Variants in RANBP2 observed in about 807,000 individuals in gnomAD.
RANBP2 encodes the protein RAN binding protein 2, also known as E3 SUMO-protein ligase RanBP2.
A neutral mutation model predicts 303.6 loss-of-function variants in RANBP2; 57 were observed. The observed-to-expected ratio is 0.19, with a 90% confidence interval of 0.15 to 0.23. RANBP2 has a LOEUF of 0.23. Among genes scored for constraint, RANBP2 ranks in the 10% least tolerant of loss-of-function variants. The pLI is 1.00. For synonymous variants in RANBP2, 1,167 were observed against 1,301.5 expected, an observed-to-expected ratio of 0.90 and a Z score of 2.23; for missense variants, 3,138 against 3,780.8, an observed-to-expected ratio of 0.83 and a Z score of 4.46.
chr2:109,495,827 C>G, the RANBP2 span, among the ~76,000 whole-genome samples: 1 of 152,272 alleles, frequency 6.6e-6, no homozygotes, highest in South Asian at 2.1e-4. Flanking sequence ...TTTCCACATA[C>G]ATAAAATGGG....
the RANBP2 span, among the ~76,000 whole-genome samples, chr2:108,841,087 C>T: frequency 3.3e-5 from 5 of 152,182 alleles, no homozygotes; most frequent in South Asian, 4.1e-4. Context: ...CTGCCCACTT[C>T]GGCCTCCCAA....
chr2:109,157,137 A>G, the RANBP2 span, among the ~76,000 whole-genome samples: 1 of 152,176 alleles, frequency 6.6e-6, no homozygotes. Context: ...GGATGAGAGC[A>G]CTTGAATTTG....
chr2:108,808,487 A>G, the RANBP2 span, among the ~76,000 whole-genome samples: 2 of 152,140 alleles, frequency 1.3e-5, no homozygotes, highest in Non-Finnish European at 2.9e-5. Context: ...CAACAATGTA[A>G]AAGAGTTTCC....
chr2:109,106,954 T>C, the RANBP2 span, among the ~76,000 whole-genome samples: 1 of 148,562 alleles, frequency 6.7e-6, no homozygotes, highest in Non-Finnish European at 1.5e-5. Flanking sequence ...TTTTTTTTTT[T>C]AAAGACAGAG....
chr2:109,239,521 C>G, the RANBP2 span, among the ~76,000 whole-genome samples: 1 of 152,146 alleles, frequency 6.6e-6, no homozygotes, highest in Non-Finnish European at 1.5e-5. Context: ...GAATTTGGCC[C>G]CATATTTGAC....
At chr2:108,751,800 T>C in intron 11 of RANBP2, 71 bp from the exon 12 acceptor site, 3 of 1,611,944 alleles carry the variant, frequency 1.9e-6, no homozygotes, top group Non-Finnish European at 2.5e-6. Context: ...TGTGACCCAT[T>C]AACATATATG....
At chr2:109,258,758 A>G in the RANBP2 span, among the ~76,000 whole-genome samples, 1 of 152,240 alleles carries the variant, frequency 6.6e-6, no homozygotes, top group South Asian at 2.1e-4. Flanking sequence ...CTTTGAAGAC[A>G]GTGGCCTGCA....
the RANBP2 span, among the ~76,000 whole-genome samples, chr2:109,391,344 C>T: frequency 6.6e-6 from 1 of 152,218 alleles, no homozygotes; most frequent in African/African-American, 2.4e-5. Flanking sequence ...AATGCAAACA[C>T]CAAGAGGACA....
intron 17 of RANBP2, among the ~76,000 whole-genome samples, chr2:108,755,850 A>G (rs1183102858): frequency 6.7e-6 from 1 of 148,420 alleles, no homozygotes; most frequent in Non-Finnish European, 1.5e-5. Flanking sequence ...CAGCCTCCTG[A>G]GTAGCTGGGA....
the RANBP2 span, among the ~76,000 whole-genome samples, chr2:108,811,668 A>G: frequency 6.6e-6 from 1 of 152,074 alleles, no homozygotes; most frequent in Non-Finnish European, 1.5e-5. Flanking sequence ...TTACATGGAT[A>G]TATTGTGTAA....
chr2:109,613,767 G>C, the RANBP2 span: 2 of 1,213,892 alleles, frequency 1.6e-6, no homozygotes, highest in Non-Finnish European at 2.1e-6. Context: ...GGGGAGCGCG[G>C]GGCTGGGGCC....
chr2:109,266,366 G>A, the RANBP2 span, among the ~76,000 whole-genome samples: 1 of 151,840 alleles, frequency 6.6e-6, no homozygotes, highest in Non-Finnish European at 1.5e-5. Flanking sequence ...GATCCACTCT[G>A]CATCTGACAA....
chr2:109,463,151 C>T, the RANBP2 span, among the ~76,000 whole-genome samples: 1 of 152,190 alleles, frequency 6.6e-6, no homozygotes, highest in Non-Finnish European at 1.5e-5. Flanking sequence ...TTTTGTGATT[C>T]AAGTTATACT....
At chr2:109,400,530 G>C in the RANBP2 span, among the ~76,000 whole-genome samples, 78,667 of 151,574 alleles carry the variant, frequency 0.52, 20,779 homozygotes, top group South Asian at 0.6. Context: ...CACACCTGCA[G>C]ATACACATGC....
At chr2:108,780,256 G>A (rs968120114) in intron 25 of RANBP2, among the ~76,000 whole-genome samples, 36 of 142,440 alleles carry the variant, frequency 2.5e-4, no homozygotes. Flanking sequence ...ACAATGGCAC[G>A]ATCTCTGCTC....
the RANBP2 span, among the ~76,000 whole-genome samples, chr2:109,042,294 T>C: frequency 6.8e-3 from 1,035 of 152,352 alleles, 6 homozygotes; most frequent in East Asian, 0.035. Context: ...CAATCTATGT[T>C]CTATCTCTGG....
chr2:109,220,409 GA>G, the RANBP2 span, among the ~76,000 whole-genome samples: 7 of 151,952 alleles, frequency 4.6e-5, no homozygotes, highest in African/African-American at 1.7e-4. Context: ...GGCAATACAA[GA>G]AAAAAATACA....
chr2:109,553,590 C>A, the RANBP2 span, among the ~76,000 whole-genome samples: 2 of 149,618 alleles, frequency 1.3e-5, no homozygotes, highest in Non-Finnish European at 3.0e-5. Context: ...TGGTGGCTCA[C>A]GCCTGTAATC....
the RANBP2 span, among the ~76,000 whole-genome samples, chr2:109,272,182 C>G: frequency 6.6e-6 from 1 of 152,210 alleles, no homozygotes; most frequent in African/African-American, 2.4e-5. Flanking sequence ...GGGTCAGAAC[C>G]CCCCACAGCC....
Sources: gnomAD v4.1 joint callset for allele counts (sites outside exome capture counted in the v4.1 genomes callset) on GRCh38, gnomAD v4.1.1 for gene constraint, MANE v1.5 for transcripts, NCBI Gene and HGNC (gene_info 2026-07-23, HGNC 2026-07-21) for gene names.